DNAH2: variants seen among roughly 807,000 people sequenced by gnomAD.
DNAH2 encodes axonemal beta dynein heavy chain 2.
Under a neutral mutation model 523.5 loss-of-function variants are expected in DNAH2, and 323 were observed. That is an observed-to-expected ratio of 0.62 (90% CI 0.56 to 0.68). The LOEUF is 0.68. Among genes scored for constraint, DNAH2 ranks in the 30% least tolerant of loss-of-function variants. DNAH2 has a pLI of 0.00. For synonymous variants in DNAH2, 2,093 were observed against 2,177.4 expected (o/e 0.96, Z 1.08); for missense variants, 4,907 against 5,701.5 (o/e 0.86, Z 4.49).
intron 12 of DNAH2, among the ~76,000 whole-genome samples, chr17:7,749,745 C>T (rs307618): frequency 0.53 from 79,848 of 151,824 alleles, 21,348 homozygotes; most frequent in East Asian, 0.82. Flanking sequence ...GCCTCTAATC[C>T]CAGCACTTCA....
chr17:7,745,868 C>G (rs1002378690), intron 12 of DNAH2, among the ~76,000 whole-genome samples: 1 of 152,018 alleles, frequency 6.6e-6, no homozygotes, highest in African/African-American at 2.4e-5. Flanking sequence ...TCCTTCTACT[C>G]GCCAGGGGTC....
At position 7,740,071 on chromosome 17, in the gene DNAH2, G is replaced by C. The variant is rs112850373; in HGVS notation, c.1376+133G>C. 35 of 694,380 alleles carry C rather than the reference G, an allele frequency of 5.0e-5. 1 individual carries two copies. The highest frequency in any genetic ancestry group is 1.9e-4 in the African/African-American group (10 of 51,334). 43.0% of individuals were successfully genotyped at this position (694,380 alleles called of 1,614,324 possible). A position where few individuals can be genotyped will look rare whatever the true frequency, so the allele number is the denominator to read the frequency against. ...TCGGGATCAGGGCGGTGGCCCGGGGGGGGGGACAGGAGAGAGTGCAGGGGA... is the reference window on the plus strand; with the variant it reads ...TCGGGATCAGGGCGGTGGCCCGGGGCGGGGGACAGGAGAGAGTGCAGGGGA... On this transcript the variant is annotated intron_variant, in intron 9 of 85. Transcript: ENST00000572933.
intron 61 of DNAH2, among the ~76,000 whole-genome samples, chr17:7,805,726 T>TGC: frequency 6.6e-6 from 1 of 152,170 alleles, no homozygotes; most frequent in Admixed American, 6.5e-5. Flanking sequence ...TGATGGTGCA[T>TGC]GCCTGTAGTC....
At chr17:7,793,447 T>C (rs901538381) in intron 48 of DNAH2, among the ~76,000 whole-genome samples, 6 of 96,416 alleles carry the variant, frequency 6.2e-5, no homozygotes, top group African/African-American at 2.1e-4. Context: ...CTTTCTTTCT[T>C]TTTCTTTCTT....
chr17:7,788,498 A>G (rs905141478), intron 44 of DNAH2, among the ~76,000 whole-genome samples: 1 of 152,154 alleles, frequency 6.6e-6, no homozygotes, highest in Non-Finnish European at 1.5e-5. Flanking sequence ...ATGGGATCTC[A>G]CTATAATTTC....
intron 12 of DNAH2, among the ~76,000 whole-genome samples, chr17:7,746,581 T>C (rs756438854): frequency 2.0e-4 from 31 of 152,294 alleles, no homozygotes; most frequent in Admixed American, 9.1e-4. Flanking sequence ...CTCCCCACCC[T>C]CCATTTCATT....
intron 12 of DNAH2, among the ~76,000 whole-genome samples, chr17:7,744,293 CAAAAAAAAAAA>C (rs397977899): frequency 2.2e-3 from 80 of 37,120 alleles, no homozygotes; most frequent in Non-Finnish European, 3.8e-3. Flanking sequence ...GTCTCCGTCT[CAAAAAAAAAAA>C]AAAAAAAAAA....
At chr17:7,801,773 C>G in intron 57 of DNAH2, 63 bp downstream of exon 57, 1 of 1,610,468 alleles carries the variant, frequency 6.2e-7, no homozygotes, top group Non-Finnish European at 8.5e-7. Context: ...CCTCTCATCT[C>G]TCATCGCACC....
intron 12 of DNAH2, among the ~76,000 whole-genome samples, chr17:7,744,995 T>TC (rs2075473241): frequency 6.6e-6 from 1 of 151,938 alleles, no homozygotes. Context: ...TCTTTACATT[T>TC]CTTTTTTTTT....
At chr17:7,830,952 CAG>C (rs1491365148) in intron 79 of DNAH2, 110 bp downstream of exon 79, 26 of 1,531,260 alleles carry the variant, frequency 1.7e-5, no homozygotes, top group Non-Finnish European at 2.3e-5. Flanking sequence ...TGGAAGAAGA[CAG>C]AGTTTGTGGG....
chr17:7,828,875 A>G lies in DNAH2; in HGVS notation c.11854-1425A>G, dbSNP rs570769687. On this transcript the variant is annotated intron_variant, in intron 77 of 85. Coordinates refer to ENST00000572933, the MANE Select transcript of DNAH2 (RefSeq NM_020877.5). This position sits in a 1 kb window ranked among gnomAD's most constrained non-coding sequence, Gnocchi z 4.1. ...GTTATTTTTGTTACTGCTATCCAGT[A>G]TTCCTCAAGTTTCTCACTATTCCAT... Among the ~76,000 whole-genome samples, 3 of 152,218 alleles carry G rather than the reference A, an allele frequency of 2.0e-5. No individual in the cohort carries two copies. In the South Asian group the frequency reaches 6.2e-4, roughly 32 times the overall value.
Position 7,768,025 on chromosome 17 carries a change from G to A in DNAH2, c.3801G>A (p.Leu1267=). 1 of 1,614,152 alleles carries A rather than the reference G, an allele frequency of 6.2e-7. No homozygotes were observed. The highest frequency in any genetic ancestry group is 8.5e-7 in the Non-Finnish European group (1 of 1,180,038). Residue 1267 remains leucine (L), a synonymous_variant, in exon 23 of 86, where the codon CTG becomes CTA. Coordinates refer to ENST00000572933, the MANE Select transcript of DNAH2 (RefSeq NM_020877.5). ...CCATGGAGACCACGGCCCACGGGCTGTTTCGTCGCCTCACAAAATTAGCCA... is the reference window on the plus strand; with the variant it reads ...CCATGGAGACCACGGCCCACGGGCTATTTCGTCGCCTCACAAAATTAGCCA... The part of the protein sequence containing the change: ...TETMETTAHG[L]FRRLTKLAKE...
chr17:7,761,968 A>G (rs2076018069), intron 18 of DNAH2, among the ~76,000 whole-genome samples: 1 of 152,026 alleles, frequency 6.6e-6, no homozygotes, highest in African/African-American at 2.4e-5. Flanking sequence ...GTAGTAAGGA[A>G]GATAAAAGTA....
chr17:7,830,270 C>A, intron 77 of DNAH2, 30 bp from the exon 78 acceptor site: 1 of 1,596,636 alleles, frequency 6.3e-7, no homozygotes, highest in South Asian at 1.1e-5. Flanking sequence ...TGATGCATGT[C>A]ACCCCATCTT....
intron 12 of DNAH2, among the ~76,000 whole-genome samples, chr17:7,747,887 A>G (rs1457702645): frequency 2.0e-5 from 3 of 152,252 alleles, no homozygotes; most frequent in Non-Finnish European, 2.9e-5. Flanking sequence ...ATCACCAGTA[A>G]AGAAATCCAA....
chr17:7,743,171 T>C, intron 12 of DNAH2, 29 bp downstream of exon 12: 2 of 1,608,596 alleles, frequency 1.2e-6, no homozygotes, highest in Non-Finnish European at 1.7e-6. Context: ...CCCTTTTCCC[T>C]ATACTCCCCT....
At chr17:7,806,868 CA>C (rs2077381039) in intron 61 of DNAH2, among the ~76,000 whole-genome samples, 2 of 151,788 alleles carry the variant, frequency 1.3e-5, no homozygotes, top group Non-Finnish European at 2.9e-5. Flanking sequence ...GAAGAAAGTG[CA>C]AAGCAGAGAG....
At chr17:7,761,513 T>A (rs913110167) in intron 18 of DNAH2, among the ~76,000 whole-genome samples, 3 of 151,338 alleles carry the variant, frequency 2.0e-5, no homozygotes, top group Admixed American at 6.6e-5. Context: ...TTTTCAAATA[T>A]TTTTTTTTGA....
chr17:7,784,797 G>A (rs2076691266), intron 39 of DNAH2, among the ~76,000 whole-genome samples: 1 of 152,084 alleles, frequency 6.6e-6, no homozygotes, highest in African/African-American at 2.4e-5. Context: ...ATGATAAAAG[G>A]ATCAATACAC....
Sources: allele counts gnomAD v4.1 joint callset (sites outside exome capture counted in the v4.1 genomes callset), GRCh38; gene constraint gnomAD v4.1.1; non-coding constraint Gnocchi (gnomAD v3.1); transcripts MANE v1.5; gene names NCBI Gene and HGNC (gene_info 2026-07-23, HGNC 2026-07-21).